Variants in ATP10B observed in about 807,000 individuals in gnomAD.
ATP10B encodes the protein ATPase phospholipid transporting 10B (putative).
ATP10B carries 122 observed loss-of-function variants against 141.2 expected under a neutral mutation model. That is an observed-to-expected ratio of 0.86 (90% CI 0.75 to 1.00). The LOEUF is 1.00. Among genes scored for constraint, ATP10B ranks in the 50% least tolerant of loss-of-function variants. The pLI, the probability that ATP10B is intolerant of heterozygous loss-of-function variation, is 0.00. For missense variants in ATP10B, 1,876 were observed against 1,825.3 expected, an observed-to-expected ratio of 1.03 and a Z score of -0.51; for synonymous variants, 685 against 692.0, an observed-to-expected ratio of 0.99 and a Z score of 0.16.
chr5:160,751,238 A>C (rs1388066134), intron 2 of ATP10B, among the ~76,000 whole-genome samples: 2 of 152,152 alleles, frequency 1.3e-5, no homozygotes, highest in African/African-American at 4.8e-5. Flanking sequence ...CATCAGCCAC[A>C]GTCTCTTCCC....
intron 1 of ATP10B, among the ~76,000 whole-genome samples, chr5:160,829,139 A>T (rs1581615406): frequency 6.6e-6 from 1 of 152,062 alleles, no homozygotes; most frequent in Non-Finnish European, 1.5e-5. Flanking sequence ...GCACACCAGC[A>T]TGGCACATGT....
chr5:160,774,855 C>T (rs1225198099), intron 2 of ATP10B, among the ~76,000 whole-genome samples: 1 of 152,116 alleles, frequency 6.6e-6, no homozygotes, highest in Non-Finnish European at 1.5e-5. Flanking sequence ...TGTTTTTACT[C>T]CCAGTTAACA....
At chr5:160,911,591 C>T in the ATP10B span, among the ~76,000 whole-genome samples, 1 of 152,316 alleles carries the variant, frequency 6.6e-6, no homozygotes. Context: ...CATATTGAAA[C>T]TTTACCCCAA....
the ATP10B span, among the ~76,000 whole-genome samples, chr5:160,884,900 T>A: frequency 6.6e-6 from 1 of 152,284 alleles, no homozygotes; most frequent in South Asian, 2.1e-4. Flanking sequence ...CAGGAAAAAG[T>A]TATATTCTGT....
In ATP10B at chr5:160,790,027, C is replaced by T. The variant is rs1477228786; in HGVS notation, c.-575-4224G>A. On this transcript the variant is annotated intron_variant, in intron 1 of 25. Transcript: ENST00000327245. ...CTGTCCCAGGGACCTAACACTGAAG[C>T]GCTTCCCTCCTCTACAGTGCACAAA... Among the ~76,000 whole-genome samples the T allele has an allele frequency of 3.9e-5, 6 of 152,074 alleles. No individual in the cohort carries two copies. The South Asian group carries it at 6.2e-4, about 16-fold the overall frequency.
At chr5:160,702,444 A>G (rs1764735109) in intron 3 of ATP10B, among the ~76,000 whole-genome samples, 1 of 152,216 alleles carries the variant, frequency 6.6e-6, no homozygotes, top group African/African-American at 2.4e-5. Context: ...AGCATGCAAA[A>G]TAACGTCAAT....
At chr5:160,751,209 G>C (rs565078801) in intron 2 of ATP10B, among the ~76,000 whole-genome samples, 1 of 152,256 alleles carries the variant, frequency 6.6e-6, no homozygotes, top group African/African-American at 2.4e-5. Context: ...TCCTCTCTCT[G>C]TTTTATTGGC....
chr5:160,628,859 TA>T (rs1418509215), intron 13 of ATP10B, among the ~76,000 whole-genome samples: 1 of 152,118 alleles, frequency 6.6e-6, no homozygotes, highest in Non-Finnish European at 1.5e-5. Context: ...TTTATAAGTA[TA>T]TTACCCCCAC....
intron 8 of ATP10B, among the ~76,000 whole-genome samples, chr5:160,645,307 A>G (rs1182233289): frequency 6.6e-6 from 1 of 152,190 alleles, no homozygotes; most frequent in African/African-American, 2.4e-5. Context: ...TGGGGACCTG[A>G]ACTGCAGAAG....
chr5:160,604,161 T>A, intron 19 of ATP10B, 120 bp from the exon 20 acceptor site: 2 of 735,946 alleles, frequency 2.7e-6, no homozygotes, highest in African/African-American at 1.7e-5. Context: ...TCTAGTGCTA[T>A]AGAAAGTCAT....
chr5:160,889,843 T>C, the ATP10B span, among the ~76,000 whole-genome samples: 69 of 152,238 alleles, frequency 4.5e-4, no homozygotes, highest in Middle Eastern at 0.01. Flanking sequence ...ATGCTGAACA[T>C]CTTCTCATAT....
chr5:160,808,185 C>A (rs905640315), intron 1 of ATP10B, among the ~76,000 whole-genome samples: 1 of 152,002 alleles, frequency 6.6e-6, no homozygotes, highest in African/African-American at 2.4e-5. Flanking sequence ...TATTAGAATG[C>A]GTTGAATTAT....
chr5:160,726,456 C>A (rs1561792668), intron 2 of ATP10B, among the ~76,000 whole-genome samples: 1 of 152,144 alleles, frequency 6.6e-6, no homozygotes, highest in Non-Finnish European at 1.5e-5. Context: ...TTCATCCCAG[C>A]CCTAGACAGC....
chr5:160,750,552 C>T (rs757326371), intron 2 of ATP10B, among the ~76,000 whole-genome samples: 6 of 152,028 alleles, frequency 3.9e-5, no homozygotes, highest in Non-Finnish European at 5.9e-5. Flanking sequence ...ATTCTTGTCT[C>T]ATCCATGACC....
In ATP10B at chr5:160,675,924, C is replaced by T. The variant is rs28512467; in HGVS notation, c.471-5257G>A. ...TGGCTGGGCTGGAAATAGTGGAGGA[C>T]ACATGTGATATTTACCAATCTGAGG... is the stretch of plus-strand genomic sequence containing the variant. On this transcript the variant is annotated intron_variant, in intron 6 of 25. Transcript: ENST00000327245. Among the ~76,000 whole-genome samples, 347 of 152,002 alleles carry T rather than the reference C, an allele frequency of 2.3e-3. 1 individual carries two copies. The highest frequency in any genetic ancestry group is 8.0e-3 in the African/African-American group (331 of 41,348).
chr5:160,665,015 T>C (rs1372616296), intron 7 of ATP10B, among the ~76,000 whole-genome samples: 1 of 152,224 alleles, frequency 6.6e-6, no homozygotes, highest in Non-Finnish European at 1.5e-5. Context: ...TCTTGCCAGC[T>C]GGACAGGTTT....
intron 16 of ATP10B, among the ~76,000 whole-genome samples, chr5:160,617,233 GC>G (rs760022826): frequency 6.6e-6 from 1 of 152,242 alleles, no homozygotes; most frequent in Non-Finnish European, 1.5e-5. Flanking sequence ...GCAATTCGCA[GC>G]CCTCACTGCC....
intron 1 of ATP10B, among the ~76,000 whole-genome samples, chr5:160,824,078 G>C (rs1455904677): frequency 1.3e-5 from 2 of 151,980 alleles, no homozygotes; most frequent in Non-Finnish European, 2.9e-5. Context: ...CTGGAGAACA[G>C]TGACGTGATC....
chr5:160,911,782 C>T, the ATP10B span, among the ~76,000 whole-genome samples: 1 of 152,134 alleles, frequency 6.6e-6, no homozygotes, highest in African/African-American at 2.4e-5. Flanking sequence ...CTGCAGGGAC[C>T]ATCTCACCCA....
Sources: gnomAD v4.1 joint callset for allele counts (sites outside exome capture counted in the v4.1 genomes callset) on GRCh38, gnomAD v4.1.1 for gene constraint, MANE v1.5 for transcripts, NCBI Gene and HGNC (gene_info 2026-07-23, HGNC 2026-07-21) for gene names.